The following CCPG1 variants were observed in gnomAD, a reference collection of about 807,000 sequenced individuals.
CCPG1 encodes cell cycle progression 1.
Under a neutral mutation model 81.3 loss-of-function variants are expected in CCPG1, and 46 were observed. The ratio of observed to expected loss-of-function variants is 0.57; its 90% CI spans 0.45 to 0.72. CCPG1 has a LOEUF of 0.72. Among genes scored for constraint, CCPG1 ranks in the 30% least tolerant of loss-of-function variants. CCPG1 has a pLI of 0.00. For missense variants in CCPG1, 902 were observed against 937.6 expected (o/e 0.96, Z 0.50); for synonymous variants, 330 against 305.2 (o/e 1.08, Z -0.85).
intron 3 of CCPG1, among the ~76,000 whole-genome samples, chr15:55,379,464 C>G (rs2056635219): frequency 6.6e-6 from 1 of 151,928 alleles, no homozygotes; most frequent in Non-Finnish European, 1.5e-5. Context: ...GGAGTTGAGG[C>G]TGCAGTGAGC....
intron 3 of CCPG1, among the ~76,000 whole-genome samples, chr15:55,380,994 G>A (rs1049032197): frequency 3.2e-4 from 49 of 151,342 alleles, no homozygotes; most frequent in Middle Eastern, 7.1e-3. Flanking sequence ...AAAATTAGCC[G>A]AGCGTGGTGG....
At chr15:55,358,467 C>T in intron 8 of CCPG1, 10 of 985,404 alleles carry the variant, frequency 1.0e-5, no homozygotes, top group Non-Finnish European at 1.2e-5. Context: ...AAATGGGGCC[C>T]TTCATGGTCT....
chr15:55,407,037 A>ACCCCCCCCCCCCCCCCC (rs751198168), intron 1 of CCPG1, among the ~76,000 whole-genome samples: 3 of 112,696 alleles, frequency 2.7e-5, no homozygotes, highest in African/African-American at 1.4e-4. Flanking sequence ...ACACGTTGAG[A>ACCCCCCCCCCCCCCCCC]CCCCCCCCCC....
intron 1 of CCPG1, among the ~76,000 whole-genome samples, chr15:55,402,632 A>T (rs11071185): frequency 6.6e-6 from 1 of 152,064 alleles, no homozygotes; most frequent in Non-Finnish European, 1.5e-5. Flanking sequence ...ATAGCCAGAG[A>T]TAACTTCCCC....
Position 55,360,768 on chromosome 15 carries a change from A to C in CCPG1, c.1005T>G (p.Ile335Met). The change falls in exon 8 of 9, where the codon ATT becomes ATG. Residue 335 changes from isoleucine to methionine, a missense_variant. Coordinates refer to ENST00000442196, the MANE Select transcript of CCPG1 (RefSeq NM_001204450.2). ...QEELNKLREQ[I>M]RILEDKGTST... ...TTGTCCCTTTATCTTCCAATATTCT[A>C]ATCTGTTCTCTTAGTTTGTTTAACT... 1 of 1,612,324 alleles carries C rather than the reference A, an allele frequency of 6.2e-7. No individual in the cohort carries two copies. Among genetic ancestry groups the C allele is most frequent in the Non-Finnish European group, 8.5e-7 (1 of 1,179,564 alleles).
At chr15:55,379,110 T>C (rs1314022245) in intron 3 of CCPG1, among the ~76,000 whole-genome samples, 1 of 150,652 alleles carries the variant, frequency 6.6e-6, no homozygotes, top group African/African-American at 2.5e-5. Context: ...ACCGTAAGAA[T>C]AAAAACCGTG....
Position 55,359,895 on chromosome 15 carries a change from T to C in CCPG1, c.1878A>G (p.Arg626=), listed in dbSNP as rs371971810. ...HDCRENSHSF[R]KACSGVFDCA... ...AATCAAATACACCAGAACAAGCCTT[T>C]CTGAAAGAATGAGAATTTTCTCTAC... Residue 626 remains arginine, a synonymous_variant, in exon 8 of 9, where the codon AGA becomes AGG. Transcript: ENST00000442196. 2.5e-6 allele frequency: 4 copies of C among 1,613,676 alleles called. No homozygotes were observed. Among genetic ancestry groups the C allele is most frequent in the Non-Finnish European group, 3.4e-6 (4 of 1,179,978 alleles).
At chr15:55,373,053 T>C in intron 5 of CCPG1, 1 of 531,508 alleles carries the variant, frequency 1.9e-6, no homozygotes, top group Non-Finnish European at 3.9e-6. Context: ...TTAAGGACTA[T>C]TCTGGTGCTG....
chr15:55,359,404 T>C, intron 8 of CCPG1, 135 bp downstream of exon 8: 1 of 1,431,394 alleles, frequency 7.0e-7, no homozygotes, highest in South Asian at 1.8e-5. Context: ...CAATTTATTC[T>C]GAATTCTCTC....
rs778576443 is a variant in CCPG1 at position 55,381,825 on chromosome 15, C to T, written c.176-3449G>A. On this transcript the variant is annotated intron_variant, in intron 3 of 8. Coordinates refer to ENST00000442196, the MANE Select transcript of CCPG1 (RefSeq NM_001204450.2). ...TGTGAAGTATACATAATACAGATTCCATTTTACCAGATTGGAACCAGAGTA... is the reference window on the plus strand; with the variant it reads ...TGTGAAGTATACATAATACAGATTCTATTTTACCAGATTGGAACCAGAGTA... Among the ~76,000 whole-genome samples the T allele has an allele frequency of 9.3e-4, 54 of 57,918 alleles. 1 individual carries two copies. The Middle Eastern group carries it at 0.048, about 51-fold the overall frequency. The allele number at this position is 57,918 out of a possible 152,430, so 38.0% of individuals were successfully genotyped here. A position where few individuals can be genotyped will look rare whatever the true frequency, so the allele number is the denominator to read the frequency against.
At chr15:55,395,182 C>G (rs2056993044) in intron 1 of CCPG1, among the ~76,000 whole-genome samples, 1 of 152,016 alleles carries the variant, frequency 6.6e-6, no homozygotes, top group Non-Finnish European at 1.5e-5. Context: ...AAAAGATTTC[C>G]CGCTGGCCCT....
intron 1 of CCPG1, among the ~76,000 whole-genome samples, chr15:55,407,241 A>AAT (rs34067457): frequency 0.02 from 2,997 of 151,718 alleles, 48 homozygotes; most frequent in Non-Finnish European, 0.03. Context: ...AAAAAAAAAA[A>AAT]ATATGAATTA....
At chr15:55,376,564 A>T (rs1476505224) in intron 5 of CCPG1, among the ~76,000 whole-genome samples, 2 of 152,200 alleles carry the variant, frequency 1.3e-5, no homozygotes, top group Non-Finnish European at 2.9e-5. Context: ...AGACTTTAAT[A>T]ACAATTTTTT....
intron 8 of CCPG1, chr15:55,356,865 T>A: frequency 5.1e-6 from 5 of 986,300 alleles, no homozygotes; most frequent in Non-Finnish European, 6.0e-6. Flanking sequence ...ATGATCAGGC[T>A]TCCGTCACTA....
At chr15:55,370,870 C>T (rs984857634) in intron 6 of CCPG1, among the ~76,000 whole-genome samples, 1 of 131,968 alleles carries the variant, frequency 7.6e-6, no homozygotes, top group African/African-American at 3.2e-5. Flanking sequence ...AGTGAGACTC[C>T]GTCTCAAAAA....
At chr15:55,375,843 C>T (rs866606408) in intron 5 of CCPG1, among the ~76,000 whole-genome samples, 9 of 152,130 alleles carry the variant, frequency 5.9e-5, no homozygotes, top group East Asian at 1.9e-4. Context: ...CACATGCGCA[C>T]GCCATCATGC....
chr15:55,375,129 G>T (rs1172532652), intron 5 of CCPG1, among the ~76,000 whole-genome samples: 1 of 152,146 alleles, frequency 6.6e-6, no homozygotes, highest in Non-Finnish European at 1.5e-5. Flanking sequence ...AAAATCTCAA[G>T]AAGTCAGAAT....
chr15:55,387,792 G>A lies in CCPG1; in HGVS notation c.60+1573C>T, dbSNP rs145457806. The stretch of plus-strand genomic sequence containing the variant: ...ACTCCCGACCTCAGTGATCTGCCCC[G>A]ACCTCGGCCTCCCAAAGTGCTGGAA... On this transcript the variant is annotated intron_variant, in intron 2 of 8. Coordinates refer to ENST00000442196, the MANE Select transcript of CCPG1 (RefSeq NM_001204450.2). Among the ~76,000 whole-genome samples the A allele has an allele frequency of 2.1e-3, 307 of 144,726 alleles. 1 individual carries two copies. The highest frequency in any genetic ancestry group is 7.4e-3 in the African/African-American group (294 of 39,940). The allele number at this position is 144,726 out of a possible 152,430, so 94.9% of individuals were successfully genotyped here.
chr15:55,359,702 T>C lies in CCPG1; in HGVS notation c.2071A>G (p.Ile691Val). The change falls in exon 8 of 9, where the codon ATA (isoleucine) becomes GTA (valine). Residue 691 changes from isoleucine to valine, a missense_variant. Physicochemically the swap from Ile to Val is conservative, Grantham distance 29. Around this residue, in one of 3 missense-constraint regions of CCPG1, gnomAD observed 128 missense variants for 161.2 expected, o/e 0.79. Coordinates refer to ENST00000442196, the MANE Select transcript of CCPG1 (RefSeq NM_001204450.2). ...INKFFLNGVF[I>V]HDQKLFTDFV... ...TCAGTGAAGAGCTTCTGATCATGTATAAAGACACCGTTTAGGAAAAACTTA... is the reference window on the plus strand; with the variant it reads ...TCAGTGAAGAGCTTCTGATCATGTACAAAGACACCGTTTAGGAAAAACTTA... 2.5e-6 allele frequency: 4 copies of C among 1,613,664 alleles called. No homozygotes were observed. Among genetic ancestry groups the C allele is most frequent in the Non-Finnish European group, 3.4e-6 (4 of 1,179,908 alleles).
Sources: gnomAD v4.1 joint callset for allele counts (sites outside exome capture counted in the v4.1 genomes callset) on GRCh38, gnomAD v4.1.1 for gene constraint, gnomAD v4.1.1 regional missense constraint, MANE v1.5 for transcripts, NCBI Gene and HGNC (gene_info 2026-07-23, HGNC 2026-07-21) for gene names.